The following NOS1AP variants were observed in gnomAD, a reference collection of about 807,000 sequenced individuals.
The protein encoded by NOS1AP is nitric oxide synthase 1 adaptor protein, also known as carboxyl-terminal PDZ ligand of neuronal nitric oxide synthase protein.
In NOS1AP, 21 loss-of-function variants were observed where a neutral mutation model predicts 56.2. The observed-to-expected ratio is 0.37, with a 90% CI of 0.26 to 0.54. The LOEUF (loss-of-function observed/expected upper bound fraction) is 0.54. Among genes scored for constraint, NOS1AP ranks in the 20% least tolerant of loss-of-function variants. The probability of loss-of-function intolerance (pLI) is 0.84; values close to 1 mark genes in which losing one functional copy is unlikely to be tolerated. For synonymous variants in NOS1AP, 270 were observed against 274.6 expected (o/e 0.98, Z 0.17); for missense variants, 522 against 657.8 (o/e 0.79, Z 2.26).
intron 3 of NOS1AP, among the ~76,000 whole-genome samples, chr1:162,292,845 A>G (rs1259366273): frequency 1.3e-5 from 2 of 152,232 alleles, no homozygotes; most frequent in African/African-American, 4.8e-5. Flanking sequence ...TTATAGAACC[A>G]GAATTTAGGA....
At chr1:162,127,747 G>A (rs1298142854) in intron 1 of NOS1AP, among the ~76,000 whole-genome samples, 3 of 152,062 alleles carry the variant, frequency 2.0e-5, no homozygotes, top group East Asian at 1.9e-4. Context: ...ACTCACTATC[G>A]CAAGGACAGT....
At chr1:162,228,943 GTAATTAATACA>G (rs1273269097) in intron 2 of NOS1AP, among the ~76,000 whole-genome samples, 1 of 152,188 alleles carries the variant, frequency 6.6e-6, no homozygotes, top group African/African-American at 2.4e-5. Flanking sequence ...TTAAATAACT[GTAATTAATACA>G]TTGAAATAAA....
chr1:162,276,570 A>G (rs1654740725), intron 2 of NOS1AP, among the ~76,000 whole-genome samples: 1 of 150,908 alleles, frequency 6.6e-6, no homozygotes, highest in Non-Finnish European at 1.5e-5. Flanking sequence ...CTCTAGACCA[A>G]TTACATCAAA....
rs868860947 is a variant in NOS1AP, at chr1:162,261,512, G to A, written c.178-25832G>A. 2.5e-4 allele frequency among the ~76,000 whole-genome samples: 5 copies of A among 19,974 alleles called. 2 individuals are homozygous for A. The highest frequency in any genetic ancestry group is 4.8e-4 in the Non-Finnish European group (3 of 6,288). The allele number at this position is 19,974 out of a possible 152,430, so 13.1% of individuals were successfully genotyped here. ...AGAGAGAGAGAGAGAGAGAGAGAGA[G>A]AGAGAGAGAGAGAGAGAGAGAGAGA... On this transcript the variant is annotated intron_variant, in intron 2 of 9. Coordinates refer to ENST00000361897, the MANE Select transcript of NOS1AP (RefSeq NM_014697.3).
At chr1:162,249,792 G>A (rs1653790887) in intron 2 of NOS1AP, among the ~76,000 whole-genome samples, 1 of 152,198 alleles carries the variant, frequency 6.6e-6, no homozygotes. Flanking sequence ...TTATGCATGA[G>A]TGTAAACATT....
At chr1:162,158,025 CATTAA>C (rs1650041802) in intron 2 of NOS1AP, among the ~76,000 whole-genome samples, 1 of 152,040 alleles carries the variant, frequency 6.6e-6, no homozygotes, top group Non-Finnish European at 1.5e-5. Context: ...AAATGTGTAA[CATTAA>C]ATTTAACTAT....
chr1:162,177,273 C>T (rs931276806), intron 2 of NOS1AP, among the ~76,000 whole-genome samples: 6 of 152,156 alleles, frequency 3.9e-5, no homozygotes, highest in Non-Finnish European at 7.3e-5. Flanking sequence ...TAATTAGGAA[C>T]TTAACCCTGA....
chr1:162,284,698 T>C (rs1442275252), intron 2 of NOS1AP, among the ~76,000 whole-genome samples: 13 of 152,208 alleles, frequency 8.5e-5, no homozygotes, highest in Admixed American at 7.2e-4. Flanking sequence ...ACTTTTGAGT[T>C]CTTAAGACGA....
In NOS1AP at chr1:162,367,118, C is replaced by T. The variant is rs1186830635; in HGVS notation, c.1172C>T (p.Pro391Leu). ...GGAGCCCTGCCCGTGCTCTGTGACCCCACGACCCCTAAGCCAGAGGACCTG... is the reference window on the plus strand; with the variant it reads ...GGAGCCCTGCCCGTGCTCTGTGACCTCACGACCCCTAAGCCAGAGGACCTG... ...RSGALPVLCD[P>L]TTPKPEDLHS... is the part of the protein sequence containing the mutation. Residue 391 changes from proline to leucine, a missense_variant, in exon 10 of 10, where the codon CCC becomes CTC. Transcript: ENST00000361897. The surrounding 1 kb of genome is among the most constrained non-coding windows in gnomAD (Gnocchi z 6.5). 6.2e-7 allele frequency: 1 copy of T among 1,613,806 alleles called. No individual in the cohort carries two copies. Among genetic ancestry groups the T allele is most frequent in the Admixed American group, 1.7e-5 (1 of 60,004 alleles).
chr1:162,367,270 C>A lies in NOS1AP; in HGVS notation c.1324C>A (p.Pro442Thr), dbSNP rs761188224. 3.7e-6 allele frequency: 6 copies of A among 1,613,704 alleles called. No homozygotes were observed. The highest frequency in any genetic ancestry group is 5.1e-6 in the Non-Finnish European group (6 of 1,179,954). ...RFLPPEDTPPPAQGEALLGGL... is the reference protein window; with the variant it reads ...RFLPPEDTPPTAQGEALLGGL... ...TCTTCCGCCCGAGGACACCCCGCCC[C>A]CAGCGCAGGGCGAGGCGCTCCTGGG... Residue 442 changes from proline to threonine, a missense_variant, in exon 10 of 10, where the codon CCA (proline) becomes ACA (threonine). Physicochemically the swap from Pro to Thr is conservative, Grantham distance 38. Transcript: ENST00000361897. This position sits in a 1 kb window ranked among gnomAD's most constrained non-coding sequence, Gnocchi z 6.5.
chr1:162,131,640 G>A (rs1648751461), intron 1 of NOS1AP, among the ~76,000 whole-genome samples: 1 of 152,000 alleles, frequency 6.6e-6, no homozygotes, highest in South Asian at 2.1e-4. Context: ...GTATTCAAAG[G>A]TGATTTGATT....
At chr1:162,218,700 A>G (rs554170942) in intron 2 of NOS1AP, among the ~76,000 whole-genome samples, 3 of 152,250 alleles carry the variant, frequency 2.0e-5, no homozygotes, top group South Asian at 4.1e-4. Flanking sequence ...GGCTTTTGCT[A>G]TTGCTGGAAT....
intron 8 of NOS1AP, among the ~76,000 whole-genome samples, chr1:162,362,683 C>T (rs903617530): frequency 4.6e-5 from 7 of 152,144 alleles, no homozygotes; most frequent in Non-Finnish European, 7.4e-5. Context: ...AGGTTCCTTT[C>T]GATGCCACTC....
rs2102045488 is a variant in NOS1AP at position 162,115,879 on chromosome 1, T to C, written c.106-38526T>C. 2.6e-5 allele frequency among the ~76,000 whole-genome samples: 4 copies of C among 152,294 alleles called. No individual in the cohort carries two copies. In the South Asian group the frequency reaches 8.3e-4, roughly 32 times the overall value. On this transcript the variant is annotated intron_variant, in intron 1 of 9. Transcript: ENST00000361897. The stretch of plus-strand genomic sequence containing the variant: ...CAAGATTGTCAGTTGATCAGATATT[T>C]ATGGGAGGTATGCAGGTTTTAAATT...
intron 1 of NOS1AP, among the ~76,000 whole-genome samples, chr1:162,092,907 G>A (rs1206758497): frequency 6.6e-6 from 1 of 152,158 alleles, no homozygotes; most frequent in East Asian, 1.9e-4. Context: ...AGCGGCAAGT[G>A]TTTGGCTGCT....
In NOS1AP at chr1:162,146,702, T is replaced by G. The variant is rs539102358; in HGVS notation, c.106-7703T>G. Reference sequence around the variant, plus strand: ...TTTCCAGGGCTTTTAAAGTTACTATTATTATCTTAAACAATAGACTTTATT... The same window carrying G: ...TTTCCAGGGCTTTTAAAGTTACTATGATTATCTTAAACAATAGACTTTATT... On this transcript the variant is annotated intron_variant, in intron 1 of 9. Coordinates refer to ENST00000361897, the MANE Select transcript of NOS1AP (RefSeq NM_014697.3). 6.4e-4 allele frequency among the ~76,000 whole-genome samples: 97 copies of G among 152,336 alleles called. 1 individual carries two copies. The highest frequency in any genetic ancestry group is 2.2e-3 in the African/African-American group (92 of 41,574).
At chr1:162,208,228 G>C (rs1277139097) in intron 2 of NOS1AP, among the ~76,000 whole-genome samples, 3 of 152,154 alleles carry the variant, frequency 2.0e-5, no homozygotes, top group Non-Finnish European at 4.4e-5. Flanking sequence ...GGACCCATCT[G>C]TTTTCTAATT....
chr1:162,289,250 T>C (rs867323669), intron 3 of NOS1AP, among the ~76,000 whole-genome samples: 5 of 77,734 alleles, frequency 6.4e-5, no homozygotes, highest in Non-Finnish European at 1.3e-4. Context: ...CCTTCCTTCC[T>C]TCCTTCCTTC....
chr1:162,352,868 GTAT>G (rs749138261), intron 6 of NOS1AP, among the ~76,000 whole-genome samples: 4 of 152,106 alleles, frequency 2.6e-5, no homozygotes, highest in Non-Finnish European at 4.4e-5. Flanking sequence ...AGCCTAATAG[GTAT>G]CCCTACTTGA....
Sources: allele counts gnomAD v4.1 joint callset (sites outside exome capture counted in the v4.1 genomes callset), GRCh38; gene constraint gnomAD v4.1.1; non-coding constraint Gnocchi (gnomAD v3.1); transcripts MANE v1.5; gene names NCBI Gene and HGNC (gene_info 2026-07-23, HGNC 2026-07-21).